Variants in ATXN1 observed in about 807,000 individuals in gnomAD.
The protein encoded by ATXN1 is ataxin 1.
In ATXN1, 8 loss-of-function variants were observed where a neutral mutation model predicts 56.4. That is an observed-to-expected ratio of 0.14 (90% CI 0.08 to 0.26). The LOEUF (loss-of-function observed/expected upper bound fraction) is 0.26. Among genes scored for constraint, ATXN1 ranks in the 10% least tolerant of loss-of-function variants. The probability of loss-of-function intolerance (pLI) is 1.00; values close to 1 mark genes in which losing one functional copy is unlikely to be tolerated. For missense variants in ATXN1, 987 were observed against 1,106.5 expected (o/e 0.89, Z 1.53); for synonymous variants, 514 against 494.6 (o/e 1.04, Z -0.52).
At chr6:16,604,588 CTT>C (rs376581013) in intron 3 of ATXN1, among the ~76,000 whole-genome samples, 16 of 132,674 alleles carry the variant, frequency 1.2e-4, no homozygotes, top group African/African-American at 1.4e-4. Context: ...TGTTTCTCTT[CTT>C]TTTTTTTTTT....
chr6:16,499,192 G>C (rs1232757451), intron 5 of ATXN1, among the ~76,000 whole-genome samples: 3 of 152,050 alleles, frequency 2.0e-5, no homozygotes, highest in Non-Finnish European at 2.9e-5. Context: ...GTGAGGTAAG[G>C]GTTCAACTTC....
intron 6 of ATXN1, among the ~76,000 whole-genome samples, chr6:16,362,458 C>A (rs539547411): frequency 1.6e-3 from 241 of 152,244 alleles, no homozygotes; most frequent in Non-Finnish European, 2.6e-3. Context: ...TCCTGGCCCC[C>A]ACCCTCCCGC....
At chr6:16,313,205 C>T (rs1760439452) in intron 7 of ATXN1, among the ~76,000 whole-genome samples, 1 of 152,114 alleles carries the variant, frequency 6.6e-6, no homozygotes, top group African/African-American at 2.4e-5. Flanking sequence ...AGAAGGCTAG[C>T]TCATCATCTT....
At chr6:16,713,907 C>T (rs1759578988) in intron 2 of ATXN1, among the ~76,000 whole-genome samples, 1 of 152,174 alleles carries the variant, frequency 6.6e-6, no homozygotes, top group Admixed American at 6.6e-5. Flanking sequence ...CCTATAATCC[C>T]AGTACTTTGG....
intron 6 of ATXN1, among the ~76,000 whole-genome samples, chr6:16,448,406 T>C (rs80162668): frequency 0.049 from 7,492 of 152,250 alleles, 604 homozygotes; most frequent in East Asian, 0.39. Context: ...ACAAAGTCCT[T>C]GTTGGTTTGT....
intron 4 of ATXN1, among the ~76,000 whole-genome samples, chr6:16,543,874 G>A (rs576749116): frequency 7.9e-5 from 8 of 101,846 alleles, no homozygotes; most frequent in African/African-American, 5.6e-4. Context: ...CAAGGGTCTC[G>A]CAACAAAAGT....
chr6:16,658,114 GA>G (rs367973098), intron 2 of ATXN1, among the ~76,000 whole-genome samples: 24 of 146,458 alleles, frequency 1.6e-4, no homozygotes, highest in African/African-American at 5.2e-4. Context: ...AAGAAAGAAA[GA>G]AAAAAAAAAC....
At chr6:16,311,256 A>T (rs978244598) in intron 7 of ATXN1, among the ~76,000 whole-genome samples, 3 of 152,230 alleles carry the variant, frequency 2.0e-5, no homozygotes, top group African/African-American at 7.2e-5. Context: ...AGAGAGATTA[A>T]GTCACTTGCC....
chr6:16,306,206 G>T lies in ATXN1; in HGVS notation c.*123C>A. ...CACCTGCTGTAACTCTAATGACAAG[G>T]TTAGAACAGAAACCTAAAATTAAGA... On this transcript the variant is annotated 3_prime_UTR_variant, in exon 8 of 8. Transcript: ENST00000436367. This position sits in a 1 kb window ranked among gnomAD's most constrained non-coding sequence, Gnocchi z 5.2. 1 of 1,241,134 alleles carries T rather than the reference G, an allele frequency of 8.1e-7. No individual in the cohort carries two copies. Among genetic ancestry groups the T allele is most frequent in the Non-Finnish European group, 1.1e-6 (1 of 899,084 alleles). The allele number at this position is 1,241,134 out of a possible 1,614,324, so 76.9% of individuals were successfully genotyped here.
chr6:16,760,327 A>G lies in ATXN1; in HGVS notation c.-730+971T>C, dbSNP rs1307966178. Among the ~76,000 whole-genome samples the G allele has an allele frequency of 1.3e-5, 2 of 151,632 alleles. No homozygotes were observed. Among genetic ancestry groups the G allele is most frequent in the Admixed American group, 1.3e-4 (2 of 15,254 alleles). On this transcript the variant is annotated intron_variant, in intron 1 of 7. Coordinates refer to ENST00000436367, the MANE Select transcript of ATXN1 (RefSeq NM_001128164.2). The surrounding 1 kb of genome is among the most constrained non-coding windows in gnomAD (Gnocchi z 5.3). ...CAGCCGTTCACTCCCGGCTCAGGGC[A>G]GCGCCTGCCGCGGCTCCTCGTCTCC...
At chr6:16,757,632 G>C (rs1760926494) in intron 1 of ATXN1, among the ~76,000 whole-genome samples, 1 of 152,070 alleles carries the variant, frequency 6.6e-6, no homozygotes, top group Non-Finnish European at 1.5e-5. Context: ...CTAGCCCTGG[G>C]GGAAAAAATT....
intron 6 of ATXN1, among the ~76,000 whole-genome samples, chr6:16,368,180 A>AG (rs1761965794): frequency 6.6e-6 from 1 of 151,828 alleles, no homozygotes; most frequent in African/African-American, 2.4e-5. Flanking sequence ...AAAAAAAAAA[A>AG]GAAAGAAAAG....
intron 2 of ATXN1, among the ~76,000 whole-genome samples, chr6:16,715,401 CAT>C (rs971713721): frequency 2.6e-5 from 4 of 152,158 alleles, no homozygotes; most frequent in Admixed American, 6.5e-5. Context: ...GAACCTATAA[CAT>C]GTGTTAATTC....
chr6:16,493,617 T>C (rs1760713109), intron 5 of ATXN1, among the ~76,000 whole-genome samples: 1 of 152,174 alleles, frequency 6.6e-6, no homozygotes, highest in Non-Finnish European at 1.5e-5. Context: ...TCTGTCTTCT[T>C]TTTGTAAGCT....
intron 3 of ATXN1, chr6:16,653,145 G>C (rs1161362586): frequency 6.6e-6 from 1 of 152,234 alleles, no homozygotes; most frequent in Non-Finnish European, 1.5e-5. Context: ...TCTTCTGTTT[G>C]GATTCCATCT....
intron 2 of ATXN1, among the ~76,000 whole-genome samples, chr6:16,731,963 G>A (rs1398072317): frequency 6.6e-6 from 1 of 152,054 alleles, no homozygotes; most frequent in East Asian, 1.9e-4. Context: ...AGTAATAGCT[G>A]TCACAGAAAA....
rs773278462 is a variant in ATXN1, at chr6:16,328,372, G to T, written c.-62C>A. The T allele has an allele frequency of 6.9e-7, 1 of 1,445,140 alleles. No homozygotes were observed. 89.5% of individuals were successfully genotyped at this position (1,445,140 alleles called of 1,614,324 possible). A position where few individuals can be genotyped will look rare whatever the true frequency, so the allele number is the denominator to read the frequency against. ...GTCTGGATGGCTCTGATTTTAGTCT[G>T]ATAAACGGAAAGTCACATTTGATTT... is the stretch of plus-strand genomic sequence containing the variant. On this transcript the variant is annotated 5_prime_UTR_variant, in exon 7 of 8. It introduces an in-frame stop codon into an upstream open reading frame of the 5' UTR. Transcript: ENST00000436367. This position sits in a 1 kb window ranked among gnomAD's most constrained non-coding sequence, Gnocchi z 6.2.
At chr6:16,367,337 C>CTT (rs547792419) in intron 6 of ATXN1, among the ~76,000 whole-genome samples, 3,170 of 79,178 alleles carry the variant, frequency 0.04, 76 homozygotes, top group East Asian at 0.12. Context: ...TTCTGTTTCT[C>CTT]TCTCTCTCTC....
intron 3 of ATXN1, among the ~76,000 whole-genome samples, chr6:16,617,447 T>C (rs182607180): frequency 1.2e-3 from 180 of 151,946 alleles, no homozygotes; most frequent in African/African-American, 4.2e-3. Context: ...TGAAAGAATC[T>C]AATTATATTA....
Sources: gnomAD v4.1 joint callset for allele counts (sites outside exome capture counted in the v4.1 genomes callset) on GRCh38, gnomAD v4.1.1 for gene constraint, Gnocchi (gnomAD v3.1) non-coding constraint, MANE v1.5 for transcripts, NCBI Gene and HGNC (gene_info 2026-07-23, HGNC 2026-07-21) for gene names.